The following CCDC3 variants were observed in gnomAD, a reference collection of about 807,000 sequenced individuals.
CCDC3 encodes coiled-coil domain-containing protein 3.
CCDC3 carries 24 observed loss-of-function variants against 21.4 expected under a neutral mutation model. The observed-to-expected ratio is 1.12, with a 90% confidence interval of 0.81 to 1.58. The LOEUF (loss-of-function observed/expected upper bound fraction) is 1.58, where lower values mean the gene tolerates loss of function less well. Among genes scored for constraint, CCDC3 ranks in the 40% most tolerant of loss-of-function variants. The pLI is 0.00. For synonymous variants in CCDC3, 186 were observed against 166.0 expected, an observed-to-expected ratio of 1.12 and a Z score of -0.93; for missense variants, 425 against 360.9, an observed-to-expected ratio of 1.18 and a Z score of -1.44.
In CCDC3 at chr10:13,058,311, C is replaced by T. The variant is rs567315218; in HGVS notation, c.-269-8370G>A. The T allele has an allele frequency of 5.2e-6, 7 of 1,356,764 alleles. No homozygotes were observed. In the South Asian group the frequency reaches 7.0e-5, roughly 14 times the overall value. The allele number at this position is 1,356,764 out of a possible 1,614,324, so 84.0% of individuals were successfully genotyped here. A position where few individuals can be genotyped will look rare whatever the true frequency, so the allele number is the denominator to read the frequency against. On this transcript the variant is annotated intron_variant, in intron 4 of 6. Transcript: ENST00000378839. Reference sequence around the variant, plus strand: ...TCGTATTCATCGCCAGTCACCTTCACTTGGCCTTCATAGATCTTGTCCATG... The same window carrying T: ...TCGTATTCATCGCCAGTCACCTTCATTTGGCCTTCATAGATCTTGTCCATG...
intron 5 of CCDC3, among the ~76,000 whole-genome samples, chr10:13,032,528 T>C (rs1171045326): frequency 6.6e-6 from 1 of 152,118 alleles, no homozygotes; most frequent in African/African-American, 2.4e-5. Flanking sequence ...GGGTATTCAA[T>C]TAGGAAAAGA....
intron 2 of CCDC3, among the ~76,000 whole-genome samples, chr10:12,951,844 G>A (rs1463477856): frequency 7.4e-6 from 1 of 135,542 alleles, no homozygotes; most frequent in African/African-American, 2.8e-5. Flanking sequence ...CTTTGTGTGG[G>A]CTACAGCCCA....
At chr10:12,936,872 C>T (rs941304156) in intron 2 of CCDC3, among the ~76,000 whole-genome samples, 3 of 152,194 alleles carry the variant, frequency 2.0e-5, no homozygotes, top group African/African-American at 7.2e-5. Context: ...GTGATTACAC[C>T]TGTCAGTAAC....
chr10:13,025,153 C>G (rs1025752269), intron 5 of CCDC3, among the ~76,000 whole-genome samples: 6 of 152,142 alleles, frequency 3.9e-5, no homozygotes, highest in Admixed American at 1.3e-4. Flanking sequence ...GTTGGACTGT[C>G]TAAAGGGTCT....
At chr10:13,007,278 A>T (rs991826693) in intron 5 of CCDC3, among the ~76,000 whole-genome samples, 1 of 152,122 alleles carries the variant, frequency 6.6e-6, no homozygotes, top group African/African-American at 2.4e-5. Flanking sequence ...TAATTCCCTA[A>T]GCCTTTGGAT....
intron 2 of CCDC3, among the ~76,000 whole-genome samples, chr10:12,932,120 A>G (rs1035461434): frequency 6.6e-6 from 1 of 151,870 alleles, no homozygotes; most frequent in Non-Finnish European, 1.5e-5. Flanking sequence ...AGTTTTCCTC[A>G]TGTAGATCTT....
intron 2 of CCDC3, among the ~76,000 whole-genome samples, chr10:12,918,730 T>C (rs1429651824): frequency 6.6e-6 from 1 of 152,130 alleles, no homozygotes; most frequent in Admixed American, 6.5e-5. Context: ...GGGGGAAGGC[T>C]TCCAACATAC....
At chr10:13,036,544 G>A (rs1158319977) in intron 5 of CCDC3, among the ~76,000 whole-genome samples, 1 of 152,084 alleles carries the variant, frequency 6.6e-6, no homozygotes, top group Non-Finnish European at 1.5e-5. Flanking sequence ...GAGTGCAGTG[G>A]CACGATCTCC....
At chr10:12,925,676 A>C (rs553237283) in intron 2 of CCDC3, among the ~76,000 whole-genome samples, 2 of 152,312 alleles carry the variant, frequency 1.3e-5, no homozygotes, top group Admixed American at 6.5e-5. Context: ...CTTCTTTTCC[A>C]AGGTGGCATG....
Position 12,910,216 on chromosome 10 carries a change from T to C in CCDC3, c.550-11537A>G, listed in dbSNP as rs1206705461. Among the ~76,000 whole-genome samples, 5 of 152,178 alleles carry C rather than the reference T, an allele frequency of 3.3e-5. No individual in the cohort carries two copies. The South Asian group carries it at 8.3e-4, about 25-fold the overall frequency. On this transcript the variant is annotated intron_variant, in intron 2 of 2. Coordinates refer to ENST00000378825, the MANE Select transcript of CCDC3 (RefSeq NM_031455.4). ...AGCCCTAGAGCTGACTCTCCTTGGA[T>C]TGGAAAGAGCTGTGGGTGCAATTTA... is the stretch of plus-strand genomic sequence containing the variant.
intron 5 of CCDC3, among the ~76,000 whole-genome samples, chr10:13,034,755 T>C (rs1836355973): frequency 6.6e-6 from 1 of 152,110 alleles, no homozygotes. Flanking sequence ...CTGGGTGCGG[T>C]GGCTCACGCC....
intron 4 of CCDC3, among the ~76,000 whole-genome samples, chr10:13,070,521 T>C (rs979809883): frequency 6.6e-6 from 1 of 152,162 alleles, no homozygotes; most frequent in Non-Finnish European, 1.5e-5. Context: ...TCGTACACAG[T>C]CCCCATACAG....
At chr10:13,099,844 A>G (rs1832696115), upstream of CCDC3, 1 of 151,972 alleles carries the variant, frequency 6.6e-6, no homozygotes, top group Non-Finnish European at 1.5e-5. Context: ...GGGAAGACGA[A>G]CTCCGCACAC....
rs73585984 is a variant in CCDC3 at position 13,010,509 on chromosome 10, T to C, written c.-1-11997A>G. Among the ~76,000 whole-genome samples the C allele has an allele frequency of 6.6e-3, 1,012 of 152,312 alleles. 12 individuals are homozygous for C. Among genetic ancestry groups the C allele is most frequent in the African/African-American group, 0.023 (968 of 41,568 alleles). On this transcript the variant is annotated intron_variant, in intron 5 of 6. Transcript: ENST00000378839. ...GAACATGAAGGAACTGGAACTCTCA[T>C]GTACTGCTGGTGGAAATGTAAATGG...
At chr10:13,060,009 G>A (rs1021125553) in intron 4 of CCDC3, among the ~76,000 whole-genome samples, 2 of 152,054 alleles carry the variant, frequency 1.3e-5, no homozygotes, top group South Asian at 2.1e-4. Flanking sequence ...ACTTGAACCA[G>A]GGAGTCAGAG....
At chr10:12,986,695 C>T (rs970146247) in intron 2 of CCDC3, among the ~76,000 whole-genome samples, 23 of 151,522 alleles carry the variant, frequency 1.5e-4, no homozygotes, top group African/African-American at 5.6e-4. Context: ...AATGGCGTGA[C>T]GCGGGAGGCG....
At chr10:12,986,879 A>G (rs1048913344) in intron 2 of CCDC3, among the ~76,000 whole-genome samples, 25 of 152,232 alleles carry the variant, frequency 1.6e-4, no homozygotes, top group African/African-American at 5.8e-4. Flanking sequence ...TTTAAGAGTA[A>G]TAACTGTTTC....
At chr10:13,024,457 T>C (rs1836190188) in intron 5 of CCDC3, among the ~76,000 whole-genome samples, 1 of 152,178 alleles carries the variant, frequency 6.6e-6, no homozygotes, top group Non-Finnish European at 1.5e-5. Flanking sequence ...ACTCTGAGAA[T>C]TCTTTAAATA....
chr10:12,899,268 TAAC>T (rs1451650614), intron 2 of CCDC3, among the ~76,000 whole-genome samples: 3 of 152,024 alleles, frequency 2.0e-5, no homozygotes, highest in Non-Finnish European at 4.4e-5. Context: ...CCACTCATAA[TAAC>T]ATAAAAAAAA....
Sources: gnomAD v4.1 joint callset for allele counts (sites outside exome capture counted in the v4.1 genomes callset) on GRCh38, gnomAD v4.1.1 for gene constraint, MANE v1.5 for transcripts, NCBI Gene and HGNC (gene_info 2026-07-23, HGNC 2026-07-21) for gene names.